Variants in IL1RN observed in about 807,000 individuals in gnomAD.
IL1RN encodes the protein interleukin-1 receptor antagonist protein.
IL1RN carries 10 observed loss-of-function variants against 13.7 expected under a neutral mutation model. The observed-to-expected ratio is 0.73, with a 90% CI of 0.45 to 1.24. The LOEUF is 1.24. IL1RN is among the 50% of genes most tolerant of loss of function. IL1RN has a pLI of 0.00. For missense variants in IL1RN, 213 were observed against 222.1 expected (o/e 0.96, Z 0.26); for synonymous variants, 102 against 82.7 (o/e 1.23, Z -1.27).
intron 1 of IL1RN, among the ~76,000 whole-genome samples, chr2:113,129,214 C>T (rs1268374695): frequency 6.6e-6 from 1 of 152,172 alleles, no homozygotes. Context: ...TAGTGGCCAC[C>T]CTATTGGGCA....
In IL1RN at chr2:113,132,709, C is replaced by T; in HGVS notation, c.372C>T (p.Ala124=). 3 of 1,614,256 alleles carry T rather than the reference C, an allele frequency of 1.9e-6. No individual in the cohort carries two copies. Among genetic ancestry groups the T allele is most frequent in the Non-Finnish European group, 2.5e-6 (3 of 1,180,036 alleles). ...SENRKQDKRF[A]FIRSDSGPTT... ...ACAGAAAGCAGGACAAGCGCTTCGC[C>T]TTCATCCGCTCAGACAGTGGCCCCA... Residue 124 remains alanine, a synonymous_variant, in exon 4 of 4, where the codon GCC becomes GCT. Coordinates refer to ENST00000409930, the MANE Select transcript of IL1RN (RefSeq NM_173842.3).
At chr2:113,115,280 C>T (rs181397665), upstream of IL1RN, among the ~76,000 whole-genome samples, 57 of 152,200 alleles carry the variant, frequency 3.7e-4, 1 homozygote, top group East Asian at 3.5e-3. Context: ...AGTCTTCTCA[C>T]GGCATCCAGG....
upstream of IL1RN, among the ~76,000 whole-genome samples, chr2:113,108,961 C>A (rs527636164): frequency 2.2e-4 from 33 of 151,792 alleles, no homozygotes; most frequent in Middle Eastern, 3.4e-3. Context: ...GTAAAATAGT[C>A]ATGACAAAAA....
chr2:113,102,646 G>A (rs1014830405), upstream of IL1RN, among the ~76,000 whole-genome samples: 1 of 152,144 alleles, frequency 6.6e-6, no homozygotes, highest in Non-Finnish European at 1.5e-5. Flanking sequence ...AGGGAGATGG[G>A]GTGGGGAGGT....
upstream of IL1RN, among the ~76,000 whole-genome samples, chr2:113,126,453 G>T (rs554281341): frequency 6.6e-6 from 1 of 152,296 alleles, no homozygotes; most frequent in Admixed American, 6.5e-5. Flanking sequence ...CTCCCGTCCA[G>T]CTCTAAAACA....
intron 2 of IL1RN, chr2:113,121,688 C>T: frequency 2.9e-5 from 23 of 802,356 alleles, no homozygotes; most frequent in Non-Finnish European, 3.3e-5. Flanking sequence ...TATACCATGT[C>T]CTGATCCCCT....
At chr2:113,103,453 T>C (rs1411060218), upstream of IL1RN, among the ~76,000 whole-genome samples, 1 of 152,142 alleles carries the variant, frequency 6.6e-6, no homozygotes, top group African/African-American at 2.4e-5. Flanking sequence ...GCAAAGGAGA[T>C]GTGCTGATAA....
chr2:113,110,822 T>C (rs1484607871), upstream of IL1RN, among the ~76,000 whole-genome samples: 2 of 152,220 alleles, frequency 1.3e-5, no homozygotes, highest in Non-Finnish European at 2.9e-5. Flanking sequence ...ACTGTGGGTG[T>C]CCATATCCTC....
chr2:113,124,618 G>C (rs992575344), upstream of IL1RN, among the ~76,000 whole-genome samples: 1 of 152,170 alleles, frequency 6.6e-6, no homozygotes, highest in South Asian at 2.1e-4. Flanking sequence ...CACGGTGTGA[G>C]TATTTCCCAA....
chr2:113,128,292 G>A (rs1351501502), intron 1 of IL1RN, among the ~76,000 whole-genome samples: 1 of 147,952 alleles, frequency 6.8e-6, no homozygotes, highest in Non-Finnish European at 1.5e-5. Context: ...AAACCATTAT[G>A]ATTTGAAAAT....
upstream of IL1RN, among the ~76,000 whole-genome samples, chr2:113,114,828 C>T (rs72950896): frequency 1.9e-3 from 292 of 152,164 alleles, 1 homozygote; most frequent in African/African-American, 6.7e-3. Context: ...AGATATTACA[C>T]GGAGGATCAC....
chr2:113,125,273 T>G (rs1378422388), upstream of IL1RN, among the ~76,000 whole-genome samples: 1 of 152,250 alleles, frequency 6.6e-6, no homozygotes, highest in African/African-American at 2.4e-5. Context: ...TTCAACACAC[T>G]CTGGAAGAGG....
Position 113,132,883 on chromosome 2 carries a change from C to G in IL1RN, c.*12C>G. ...AGGAGGACGAGTAGTACTGCCCAGG[C>G]CTGCCTGTTCCCATTCTTGCATGGC... On this transcript the variant is annotated 3_prime_UTR_variant, in exon 4 of 4. Coordinates refer to ENST00000409930, the MANE Select transcript of IL1RN (RefSeq NM_173842.3). 6.2e-7 allele frequency: 1 copy of G among 1,611,516 alleles called. No homozygotes were observed. The highest frequency in any genetic ancestry group is 8.5e-7 in the Non-Finnish European group (1 of 1,177,554).
At chr2:113,120,312 G>C (rs1241314023) in intron 2 of IL1RN, among the ~76,000 whole-genome samples, 2 of 152,038 alleles carry the variant, frequency 1.3e-5, no homozygotes, top group Non-Finnish European at 1.5e-5. Context: ...GACTCACTAA[G>C]GTTTTTGAAT....
upstream of IL1RN, among the ~76,000 whole-genome samples, chr2:113,107,938 A>G (rs1686412438): frequency 6.6e-6 from 1 of 152,222 alleles, no homozygotes; most frequent in Non-Finnish European, 1.5e-5. Context: ...TTCAAAAGGA[A>G]GAAAAATGAT....
chr2:113,131,143 A>G lies in IL1RN; in HGVS notation c.304A>G (p.Arg102Gly), dbSNP rs920411757. The part of the protein sequence containing the change: ...LSCVKSGDET[R>G]LQLEAVNITD... Reference sequence around the variant, plus strand: ...CTGTGTCAAGTCTGGTGATGAGACCAGACTCCAGCTGGAGGTAAAAACATG... The same window carrying G: ...CTGTGTCAAGTCTGGTGATGAGACCGGACTCCAGCTGGAGGTAAAAACATG... The change falls in exon 3 of 4, where the codon AGA becomes GGA. Residue 102 changes from arginine (R) to glycine (G), a missense_variant. Coordinates refer to ENST00000409930, the MANE Select transcript of IL1RN (RefSeq NM_173842.3). The G allele has an allele frequency of 4.4e-6, 7 of 1,607,070 alleles. No homozygotes were observed. The highest frequency in any genetic ancestry group is 6.0e-6 in the Non-Finnish European group (7 of 1,173,526).
At chr2:113,099,939 T>C in the IL1RN span, among the ~76,000 whole-genome samples, 1 of 139,630 alleles carries the variant, frequency 7.2e-6, no homozygotes, top group Non-Finnish European at 1.6e-5. Context: ...TTTCACCGTG[T>C]TAGCCAGGAT....
At position 113,127,660 on chromosome 2, in the gene IL1RN, C is replaced by T. The variant is rs758927925; in HGVS notation, c.36C>T (p.Ile12=). 6 of 1,614,044 alleles carry T rather than the reference C, an allele frequency of 3.7e-6. No homozygotes were observed. Among genetic ancestry groups the T allele is most frequent in the South Asian group, 1.1e-5 (1 of 91,088 alleles). The change falls in exon 1 of 4, where the codon ATC becomes ATT. Residue 12 remains isoleucine, a synonymous_variant. Coordinates refer to ENST00000409930, the MANE Select transcript of IL1RN (RefSeq NM_173842.3). Reference sequence around the variant, plus strand: ...GCAGAGGCCTCCGCAGTCACCTAATCACTCTCCTCCTCTTCCTGTTCCATT... The same window carrying T: ...GCAGAGGCCTCCGCAGTCACCTAATTACTCTCCTCCTCTTCCTGTTCCATT... ...EICRGLRSHL[I]TLLLFLFHSE...
chr2:113,126,512 A>C (rs191108178), upstream of IL1RN, among the ~76,000 whole-genome samples: 2 of 152,228 alleles, frequency 1.3e-5, no homozygotes, highest in Non-Finnish European at 2.9e-5. Flanking sequence ...TAGATCATGC[A>C]GAAATTCTCT....
Sources: allele counts gnomAD v4.1 joint callset (sites outside exome capture counted in the v4.1 genomes callset), GRCh38; gene constraint gnomAD v4.1.1; transcripts MANE v1.5; gene names NCBI Gene and HGNC (gene_info 2026-07-23, HGNC 2026-07-21).